Variants in IKZF3 observed in about 807,000 individuals in gnomAD.
IKZF3 encodes IKAROS family zinc finger 3.
A neutral mutation model predicts 49.0 loss-of-function variants in IKZF3; 10 were observed. That is an observed-to-expected ratio of 0.20 (90% confidence interval 0.13 to 0.35). The LOEUF (loss-of-function observed/expected upper bound fraction) is 0.35. Among genes scored for constraint, IKZF3 ranks in the 10% least tolerant of loss-of-function variants. The pLI, the probability that IKZF3 is intolerant of heterozygous loss-of-function variation, is 1.00. For synonymous variants in IKZF3, 209 were observed against 228.2 expected (o/e 0.92, Z 0.76); for missense variants, 498 against 664.8 (o/e 0.75, Z 2.76).
chr17:39,791,363 G>A (rs546282085), intron 5 of IKZF3, 53 bp downstream of exon 5: 1 of 1,574,986 alleles, frequency 6.3e-7, no homozygotes, highest in African/African-American at 1.4e-5. Flanking sequence ...TTTCCACACT[G>A]GGCTCTGAGG....
intron 4 of IKZF3, 23 bp downstream of exon 4, chr17:39,792,650 A>T: frequency 1.3e-6 from 2 of 1,597,612 alleles, no homozygotes; most frequent in Non-Finnish European, 1.7e-6. Context: ...TTTTCAGAAG[A>T]ATGAAAAAAG....
At position 39,762,874 on chromosome 17, in the gene IKZF3, G is replaced by C. The variant is rs1567946814; in HGVS notation, c.*2916C>G. The C allele has an allele frequency of 6.6e-6, 1 of 152,272 alleles. No homozygotes were observed. The highest frequency in any genetic ancestry group is 1.5e-5 in the Non-Finnish European group (1 of 68,116). 9.4% of individuals were successfully genotyped at this position (152,272 alleles called of 1,614,324 possible). On this transcript the variant is annotated 3_prime_UTR_variant, in exon 8 of 8. Coordinates refer to ENST00000346872, the MANE Select transcript of IKZF3 (RefSeq NM_012481.5). ...TGCACTCCAGCCTGGGCAACAGAGCGAGAGACTGTCTCAAAACAAAAGAAA... is the reference window on the plus strand; with the variant it reads ...TGCACTCCAGCCTGGGCAACAGAGCCAGAGACTGTCTCAAAACAAAAGAAA...
intron 3 of IKZF3, among the ~76,000 whole-genome samples, chr17:39,826,818 T>A (rs1428197352): frequency 6.6e-6 from 1 of 152,174 alleles, no homozygotes; most frequent in Admixed American, 6.5e-5. Flanking sequence ...TTTGGACATA[T>A]TTCCCTTGGA....
chr17:39,792,055 G>A (rs1210481051), intron 4 of IKZF3, among the ~76,000 whole-genome samples: 2 of 151,836 alleles, frequency 1.3e-5, no homozygotes, highest in African/African-American at 4.8e-5. Context: ...CATTATGCCT[G>A]GCTAATTTTT....
intron 1 of IKZF3, 102 bp from the exon 2 acceptor site, chr17:39,832,253 G>T: frequency 1.3e-6 from 1 of 744,776 alleles, no homozygotes; most frequent in Non-Finnish European, 2.3e-6. Context: ...AAACTTAACA[G>T]CAGAATTCCT....
intron 1 of IKZF3, among the ~76,000 whole-genome samples, chr17:39,832,491 G>GTATA (rs35439365): frequency 6.8e-6 from 1 of 147,612 alleles, no homozygotes; most frequent in Non-Finnish European, 1.5e-5. Context: ...GTTCAAAGTG[G>GTATA]TATATATATA....
chr17:39,848,851 T>A (rs900640196), intron 1 of IKZF3, among the ~76,000 whole-genome samples: 2 of 151,990 alleles, frequency 1.3e-5, no homozygotes, highest in African/African-American at 4.8e-5. Flanking sequence ...AGCTAATTTT[T>A]AAAAAAATGT....
chr17:39,858,297 A>T (rs1381256700), intron 1 of IKZF3, among the ~76,000 whole-genome samples: 1 of 151,836 alleles, frequency 6.6e-6, no homozygotes, highest in Middle Eastern at 3.2e-3. Context: ...TGTCTCTATT[A>T]AAAAAAAGGA....
intron 5 of IKZF3, among the ~76,000 whole-genome samples, chr17:39,790,974 CCAAA>C (rs1344707594): frequency 6.6e-6 from 1 of 151,936 alleles, no homozygotes; most frequent in Non-Finnish European, 1.5e-5. Context: ...AAAGTAGCCC[CCAAA>C]CAATGATTTA....
chr17:39,773,969 C>G (rs1200224681), intron 7 of IKZF3, among the ~76,000 whole-genome samples: 1 of 150,780 alleles, frequency 6.6e-6, no homozygotes, highest in Non-Finnish European at 1.5e-5. Flanking sequence ...CCATTTGAAA[C>G]AAAGACATAC....
chr17:39,766,529 A>G, intron 7 of IKZF3, 36 bp from the exon 8 acceptor site: 2 of 1,525,404 alleles, frequency 1.3e-6, no homozygotes, highest in East Asian at 2.3e-5. Context: ...CAAAGGGAAC[A>G]CTGCCAAGGC....
intron 6 of IKZF3, among the ~76,000 whole-genome samples, chr17:39,786,661 G>A (rs1024186292): frequency 6.6e-6 from 1 of 152,006 alleles, no homozygotes; most frequent in African/African-American, 2.4e-5. Flanking sequence ...GTCTTGCTTT[G>A]TTGCCCAGGT....
intron 3 of IKZF3, among the ~76,000 whole-genome samples, chr17:39,821,773 G>C (rs180812014): frequency 1.3e-5 from 2 of 152,322 alleles, no homozygotes; most frequent in Non-Finnish European, 2.9e-5. Context: ...TCACCAAAAA[G>C]AGAGTCCAGG....
In IKZF3 at chr17:39,832,013, C is replaced by T; in HGVS notation, c.61+85G>A. 14 of 986,832 alleles carry T rather than the reference C, an allele frequency of 1.4e-5. No homozygotes were observed. The South Asian group carries it at 1.4e-4, about 10-fold the overall frequency. 61.1% of individuals were successfully genotyped at this position (986,832 alleles called of 1,614,324 possible). On this transcript the variant is annotated intron_variant, in intron 2 of 7. Transcript: ENST00000346872. ...CACACACATTTCCATAGCATTTTTA[C>T]TGCAACCAGAATAAGCACATTCCTC...
chr17:39,837,563 C>A (rs183654792), intron 1 of IKZF3, among the ~76,000 whole-genome samples: 96 of 152,018 alleles, frequency 6.3e-4, no homozygotes, highest in African/African-American at 2.0e-3. Flanking sequence ...GATAAACCAC[C>A]ACACCTGGCC....
intron 1 of IKZF3, among the ~76,000 whole-genome samples, chr17:39,854,716 T>C (rs971719729): frequency 3.3e-5 from 5 of 151,992 alleles, no homozygotes; most frequent in Admixed American, 3.3e-4. Context: ...TCAGGAGAAG[T>C]TGGTTTGGAT....
chr17:39,773,582 T>C (rs573185957), intron 7 of IKZF3, among the ~76,000 whole-genome samples: 133 of 152,354 alleles, frequency 8.7e-4, no homozygotes, highest in Non-Finnish European at 1.6e-3. Flanking sequence ...CTTTTCGTTA[T>C]GAAAACTTCC....
chr17:39,768,562 T>C (rs1270947214), intron 7 of IKZF3, among the ~76,000 whole-genome samples: 4 of 152,224 alleles, frequency 2.6e-5, no homozygotes, highest in Non-Finnish European at 5.9e-5. Flanking sequence ...TGATGCTGGC[T>C]CCATTGGTCA....
chr17:39,844,833 G>C (rs1053568787), intron 1 of IKZF3, among the ~76,000 whole-genome samples: 4 of 152,010 alleles, frequency 2.6e-5, no homozygotes, highest in African/African-American at 9.7e-5. Flanking sequence ...TGTTGGTCAG[G>C]CTGGTCTCGA....
Sources: allele counts gnomAD v4.1 joint callset (sites outside exome capture counted in the v4.1 genomes callset), GRCh38; gene constraint gnomAD v4.1.1; transcripts MANE v1.5; gene names NCBI Gene and HGNC (gene_info 2026-07-23, HGNC 2026-07-21).